IGFL2: variants seen among roughly 807,000 people sequenced by gnomAD.
IGFL2 encodes IGF like family member 2.
Under a neutral mutation model 13.9 loss-of-function variants are expected in IGFL2, and 7 were observed. That is an observed-to-expected ratio of 0.51 (90% CI 0.29 to 0.95). The LOEUF (loss-of-function observed/expected upper bound fraction) is 0.95, where lower values mean the gene tolerates loss of function less well. Among genes scored for constraint, IGFL2 ranks in the 40% least tolerant of loss-of-function variants. The pLI, the probability that IGFL2 is intolerant of heterozygous loss-of-function variation, is 0.08. For synonymous variants in IGFL2, 55 were observed against 55.8 expected (o/e 0.99, Z 0.07); for missense variants, 138 against 147.8 (o/e 0.93, Z 0.34).
At chr19:46,186,874 T>C in the IGFL2 span, among the ~76,000 whole-genome samples, 1 of 152,228 alleles carries the variant, frequency 6.6e-6, no homozygotes, top group Non-Finnish European at 1.5e-5. Context: ...AGATGCCTGC[T>C]CTCTTAACGA....
chr19:46,080,749 A>G, the IGFL2 span, among the ~76,000 whole-genome samples: 1 of 152,152 alleles, frequency 6.6e-6, no homozygotes, highest in African/African-American at 2.4e-5. Context: ...GTTGACTAGG[A>G]AAAGGAGTTC....
chr19:46,145,243 A>G (rs1973059036), upstream of IGFL2, among the ~76,000 whole-genome samples: 2 of 152,158 alleles, frequency 1.3e-5, no homozygotes, highest in South Asian at 4.1e-4. Flanking sequence ...TCCATCAGTA[A>G]AATATGAGAA....
At chr19:46,113,574 T>A in the IGFL2 span, 6 of 286,038 alleles carry the variant, frequency 2.1e-5, no homozygotes, top group Admixed American at 7.7e-5. Flanking sequence ...AAGCAGGAAA[T>A]AAGATGGGAT....
At chr19:46,204,946 T>A in the IGFL2 span, 24 of 151,618 alleles carry the variant, frequency 1.6e-4, no homozygotes, top group African/African-American at 5.8e-4. Context: ...CTCAGGTATT[T>A]TTTTTTTTTT....
the IGFL2 span, among the ~76,000 whole-genome samples, chr19:46,099,796 G>C: frequency 6.6e-6 from 1 of 152,152 alleles, no homozygotes; most frequent in East Asian, 1.9e-4. Context: ...AAAGTGCTGG[G>C]ATTACAGGGA....
the IGFL2 span, among the ~76,000 whole-genome samples, chr19:46,102,893 C>G: frequency 6.6e-6 from 1 of 152,034 alleles, no homozygotes; most frequent in Non-Finnish European, 1.5e-5. Context: ...TTAGGGGCAG[C>G]ATGGGAACCT....
chr19:46,097,333 G>C, the IGFL2 span, among the ~76,000 whole-genome samples: 1 of 152,144 alleles, frequency 6.6e-6, no homozygotes, highest in South Asian at 2.1e-4. Flanking sequence ...TCTGATGGCT[G>C]TTTGTATTTC....
chr19:46,214,903 A>ACACACACAC, the IGFL2 span: 4 of 150,868 alleles, frequency 2.7e-5, no homozygotes, highest in African/African-American at 9.8e-5. Context: ...GCACACACAC[A>ACACACACAC]CACACACACC....
chr19:46,190,345 T>C, the IGFL2 span: 1 of 152,230 alleles, frequency 6.6e-6, no homozygotes, highest in Non-Finnish European at 1.5e-5. Context: ...ACATCAGGGC[T>C]CTGTCTCCTC....
intron 1 of IGFL2, among the ~76,000 whole-genome samples, chr19:46,150,847 C>G: frequency 6.6e-6 from 1 of 152,058 alleles, no homozygotes; most frequent in Admixed American, 6.6e-5. Context: ...TTTTGTTTTT[C>G]ATAGAGACGA....
chr19:46,162,043 G>T (rs1974195356), downstream of IGFL2, among the ~76,000 whole-genome samples: 1 of 152,200 alleles, frequency 6.6e-6, no homozygotes, highest in Non-Finnish European at 1.5e-5. Flanking sequence ...TTGCTTATCT[G>T]AAAAGGATCT....
At chr19:46,176,193 AAAAAG>A in the IGFL2 span, among the ~76,000 whole-genome samples, 4 of 150,092 alleles carry the variant, frequency 2.7e-5, no homozygotes, top group African/African-American at 5.0e-5. Context: ...CCAAAAAAAA[AAAAAG>A]AAAAGAAAAC....
At chr19:46,131,945 C>T in the IGFL2 span, among the ~76,000 whole-genome samples, 1 of 152,158 alleles carries the variant, frequency 6.6e-6, no homozygotes, top group African/African-American at 2.4e-5. Flanking sequence ...TCTCAAACAA[C>T]AACAACAAAA....
chr19:46,106,068 A>G, the IGFL2 span, among the ~76,000 whole-genome samples: 1 of 152,228 alleles, frequency 6.6e-6, no homozygotes, highest in Non-Finnish European at 1.5e-5. Context: ...CAAAGGAGAA[A>G]GTACCTTAAC....
At chr19:46,211,089 C>G in the IGFL2 span, among the ~76,000 whole-genome samples, 2 of 152,210 alleles carry the variant, frequency 1.3e-5, no homozygotes, top group Non-Finnish European at 2.9e-5. Context: ...GTTCCAGACA[C>G]AGAAATGGCA....
chr19:46,125,312 A>G, the IGFL2 span, among the ~76,000 whole-genome samples: 23 of 152,206 alleles, frequency 1.5e-4, 1 homozygote, highest in Admixed American at 1.3e-3. Flanking sequence ...CATCTTAGTT[A>G]CATGGTCAGG....
the IGFL2 span, among the ~76,000 whole-genome samples, chr19:46,109,962 CAG>C: frequency 1.3e-5 from 2 of 152,200 alleles, no homozygotes; most frequent in Non-Finnish European, 2.9e-5. Context: ...AGCTTGGACT[CAG>C]AGGCCTGACA....
At chr19:46,120,415 A>G in the IGFL2 span, 10 of 1,605,842 alleles carry the variant, frequency 6.2e-6, no homozygotes, top group Non-Finnish European at 8.5e-6. Context: ...GGAAAAAATT[A>G]TCCCCTACAA....
At chr19:46,091,673 G>A in the IGFL2 span, among the ~76,000 whole-genome samples, 1 of 152,158 alleles carries the variant, frequency 6.6e-6, no homozygotes, top group African/African-American at 2.4e-5. Context: ...GAGTCCTAAT[G>A]TTTCTGATTT....
Sources: allele counts gnomAD v4.1 joint callset (sites outside exome capture counted in the v4.1 genomes callset), GRCh38; gene constraint gnomAD v4.1.1; transcripts MANE v1.5; gene names NCBI Gene and HGNC (gene_info 2026-07-23, HGNC 2026-07-21).